The following UPP2 variants were observed in gnomAD, a reference collection of about 807,000 sequenced individuals.
UPP2 encodes the protein uridine phosphorylase 2.
A neutral mutation model predicts 26.7 loss-of-function variants in UPP2; 23 were observed. The ratio of observed to expected loss-of-function variants is 0.86; its 90% CI spans 0.62 to 1.22. The LOEUF is 1.22. Among genes scored for constraint, UPP2 ranks in the 50% most tolerant of loss-of-function variants. The pLI, the probability that UPP2 is intolerant of heterozygous loss-of-function variation, is 0.00. For synonymous variants in UPP2, 127 were observed against 141.3 expected (o/e 0.90, Z 0.72); for missense variants, 387 against 396.7 (o/e 0.98, Z 0.21).
intron 2 of UPP2, among the ~76,000 whole-genome samples, chr2:158,010,773 T>TTTC (rs746352241): frequency 1.4e-3 from 210 of 149,152 alleles, no homozygotes; most frequent in Non-Finnish European, 1.9e-3. Flanking sequence ...CTTTTTTTTT[T>TTTC]TTTTTTTTTT....
At chr2:158,113,664 T>TA (rs1683364208) in intron 2 of UPP2, among the ~76,000 whole-genome samples, 1 of 152,206 alleles carries the variant, frequency 6.6e-6, no homozygotes, top group African/African-American at 2.4e-5. Context: ...ACCCAATAGT[T>TA]AGAGTAAATC....
At chr2:158,110,177 C>A (rs185320202) in intron 2 of UPP2, among the ~76,000 whole-genome samples, 209 of 152,166 alleles carry the variant, frequency 1.4e-3, no homozygotes, top group African/African-American at 4.6e-3. Context: ...ATGACAGGCC[C>A]GAGTGTGTGA....
At chr2:158,036,267 A>G (rs1169417284) in intron 3 of UPP2, among the ~76,000 whole-genome samples, 2 of 152,170 alleles carry the variant, frequency 1.3e-5, no homozygotes, top group Non-Finnish European at 2.9e-5. Context: ...ATGTTTCACA[A>G]GTTTCTTTTT....
At chr2:158,073,812 G>C (rs1034249181) in intron 3 of UPP2, among the ~76,000 whole-genome samples, 3 of 152,198 alleles carry the variant, frequency 2.0e-5, no homozygotes, top group African/African-American at 7.2e-5. Context: ...ATCAACACCA[G>C]ATCTTTCCTA....
At chr2:158,123,918 G>A in intron 6 of UPP2, 23 bp downstream of exon 6, 1 of 1,607,572 alleles carries the variant, frequency 6.2e-7, no homozygotes, top group Non-Finnish European at 8.5e-7. Context: ...TGAATGCTTA[G>A]GGTCAAATTC....
intron 3 of UPP2, among the ~76,000 whole-genome samples, chr2:158,050,224 C>A (rs1682126896): frequency 6.6e-6 from 1 of 152,170 alleles, no homozygotes; most frequent in African/African-American, 2.4e-5. Flanking sequence ...CACATTCCCA[C>A]ATTGACCATC....
intron 3 of UPP2, among the ~76,000 whole-genome samples, chr2:158,084,071 T>C (rs143244800): frequency 0.014 from 2,121 of 152,108 alleles, 59 homozygotes; most frequent in African/African-American, 0.048. Context: ...TTTAGTTCTT[T>C]AAGGAATCTC....
chr2:158,056,694 A>T (rs1441748560), intron 3 of UPP2, among the ~76,000 whole-genome samples: 2 of 152,160 alleles, frequency 1.3e-5, no homozygotes, highest in African/African-American at 4.8e-5. Flanking sequence ...GTATCTTCAC[A>T]TGGCCGTGAG....
At chr2:158,072,197 C>G (rs1451700540) in intron 3 of UPP2, among the ~76,000 whole-genome samples, 1 of 152,094 alleles carries the variant, frequency 6.6e-6, no homozygotes, top group Non-Finnish European at 1.5e-5. Flanking sequence ...TGGCAGAACT[C>G]CCTGCAAGCC....
At chr2:158,011,690 G>A (rs957999700) in intron 2 of UPP2, among the ~76,000 whole-genome samples, 2 of 151,898 alleles carry the variant, frequency 1.3e-5, no homozygotes, top group East Asian at 3.9e-4. Flanking sequence ...GAGGGAAGGA[G>A]CCATTTGTTT....
intron 3 of UPP2, among the ~76,000 whole-genome samples, chr2:158,066,478 G>A (rs1232975358): frequency 6.6e-6 from 1 of 152,152 alleles, no homozygotes; most frequent in African/African-American, 2.4e-5. Flanking sequence ...TAAAATCCCA[G>A]GAACTATGAA....
At chr2:158,032,731 TAGAG>T (rs893595609) in intron 3 of UPP2, among the ~76,000 whole-genome samples, 4 of 152,146 alleles carry the variant, frequency 2.6e-5, no homozygotes, top group African/African-American at 7.2e-5. Flanking sequence ...ATCATAAAAT[TAGAG>T]AGCACTACAA....
intron 3 of UPP2, among the ~76,000 whole-genome samples, chr2:158,038,529 G>A (rs954731178): frequency 6.6e-6 from 1 of 152,226 alleles, no homozygotes; most frequent in African/African-American, 2.4e-5. Context: ...AGCAACAGTA[G>A]ACAGACAGCT....
chr2:158,034,317 A>G (rs932434185), intron 3 of UPP2, among the ~76,000 whole-genome samples: 2 of 152,202 alleles, frequency 1.3e-5, no homozygotes, highest in Non-Finnish European at 2.9e-5. Flanking sequence ...TCCGCAGGGC[A>G]GGGAAAGCTC....
At chr2:158,104,384 C>G (rs1683136504) in intron 1 of UPP2, among the ~76,000 whole-genome samples, 1 of 152,102 alleles carries the variant, frequency 6.6e-6, no homozygotes, top group African/African-American at 2.4e-5. Flanking sequence ...GGACAAAGGC[C>G]TGAAGCAGGG....
intron 3 of UPP2, among the ~76,000 whole-genome samples, chr2:158,088,950 G>GT (rs1021594835): frequency 6.6e-6 from 1 of 152,198 alleles, no homozygotes; most frequent in African/African-American, 2.4e-5. Flanking sequence ...CTAGTTTCAT[G>GT]TTGGTTGGCC....
At chr2:158,103,839 C>A (rs1482585602) in intron 1 of UPP2, among the ~76,000 whole-genome samples, 2 of 152,144 alleles carry the variant, frequency 1.3e-5, no homozygotes, top group East Asian at 1.9e-4. Flanking sequence ...CACTGTATAA[C>A]AAGGGACTAG....
intron 2 of UPP2, among the ~76,000 whole-genome samples, chr2:158,014,429 T>C (rs1683628345): frequency 6.6e-6 from 1 of 152,210 alleles, no homozygotes; most frequent in African/African-American, 2.4e-5. Context: ...AAATTCTTCT[T>C]ATGGGCTTCC....
At chr2:158,089,279 G>T (rs1682868343) in intron 3 of UPP2, among the ~76,000 whole-genome samples, 1 of 152,106 alleles carries the variant, frequency 6.6e-6, no homozygotes, top group Non-Finnish European at 1.5e-5. Context: ...GTTAGTTACA[G>T]GCCTCACCTG....
Sources: allele counts gnomAD v4.1 joint callset (sites outside exome capture counted in the v4.1 genomes callset), GRCh38; gene constraint gnomAD v4.1.1; transcripts MANE v1.5; gene names NCBI Gene and HGNC (gene_info 2026-07-23, HGNC 2026-07-21).